Variants in GLI2 observed in about 807,000 individuals in gnomAD.
The protein encoded by GLI2 is transcription activator GLI2.
Under a neutral mutation model 78.9 loss-of-function variants are expected in GLI2, and 22 were observed. The ratio of observed to expected loss-of-function variants is 0.28; its 90% CI spans 0.20 to 0.40. GLI2 has a LOEUF of 0.40. Among genes scored for constraint, GLI2 ranks in the 10% least tolerant of loss-of-function variants. GLI2 has a pLI of 1.00. For missense variants in GLI2, 2,097 were observed against 2,213.2 expected (o/e 0.95, Z 1.05); for synonymous variants, 974 against 963.7 (o/e 1.01, Z -0.20).
At chr2:120,738,086 G>A (rs149982773) in intron 1 of GLI2, among the ~76,000 whole-genome samples, 271 of 152,328 alleles carry the variant, frequency 1.8e-3, no homozygotes, top group African/African-American at 5.9e-3. Flanking sequence ...GGAAGCTCAC[G>A]GTGTGGCTAC....
intron 1 of GLI2, among the ~76,000 whole-genome samples, chr2:120,789,267 G>A (rs963619098): frequency 1.3e-4 from 20 of 151,868 alleles, no homozygotes; most frequent in African/African-American, 4.1e-4. Flanking sequence ...CAGGTGATCC[G>A]CCCTCCTCAG....
At chr2:120,842,441 T>A (rs1004635552) in intron 2 of GLI2, among the ~76,000 whole-genome samples, 1 of 152,224 alleles carries the variant, frequency 6.6e-6, no homozygotes, top group African/African-American at 2.4e-5. Flanking sequence ...CTGTTTGGTA[T>A]TCCATTATGT....
At chr2:120,821,251 CATGG>C (rs1212236450) in intron 2 of GLI2, among the ~76,000 whole-genome samples, 3 of 151,978 alleles carry the variant, frequency 2.0e-5, no homozygotes, top group East Asian at 3.9e-4. Flanking sequence ...CCCTAGGCTT[CATGG>C]ATAGAGTTTA....
At chr2:120,963,586 C>T (rs1681693593) in intron 5 of GLI2, among the ~76,000 whole-genome samples, 4 of 151,492 alleles carry the variant, frequency 2.6e-5, no homozygotes, top group Admixed American at 2.6e-4. Context: ...ATGTGTCCAC[C>T]TGGGTGTGTG....
intron 3 of GLI2, among the ~76,000 whole-genome samples, chr2:120,935,378 C>T (rs1269503582): frequency 6.6e-6 from 1 of 152,246 alleles, no homozygotes; most frequent in Admixed American, 6.5e-5. Context: ...ATGTGTCGGG[C>T]AGCACATCCT....
intron 2 of GLI2, among the ~76,000 whole-genome samples, chr2:120,822,339 G>T (rs1685820665): frequency 6.6e-6 from 1 of 152,230 alleles, no homozygotes; most frequent in Non-Finnish European, 1.5e-5. Context: ...CCAGCTCAAG[G>T]GACAGGGACA....
At chr2:120,928,059 C>A (rs530965796) in intron 3 of GLI2, among the ~76,000 whole-genome samples, 1 of 152,270 alleles carries the variant, frequency 6.6e-6, no homozygotes, top group Non-Finnish European at 1.5e-5. Flanking sequence ...GGTGTCATTT[C>A]TTGGCCTTTA....
At chr2:120,929,428 C>T (rs1679846455) in intron 3 of GLI2, among the ~76,000 whole-genome samples, 2 of 152,216 alleles carry the variant, frequency 1.3e-5, no homozygotes, top group Admixed American at 6.5e-5. Flanking sequence ...CAGAAACAGT[C>T]GTTACTAGTG....
chr2:120,792,407 T>C (rs1285775811), intron 1 of GLI2: 2 of 152,198 alleles, frequency 1.3e-5, no homozygotes, highest in Admixed American at 6.5e-5. Context: ...CAAGAATACA[T>C]GTGCTGCTTT....
At chr2:120,826,763 G>A (rs1412579855) in intron 2 of GLI2, among the ~76,000 whole-genome samples, 1 of 152,202 alleles carries the variant, frequency 6.6e-6, no homozygotes, top group Non-Finnish European at 1.5e-5. Context: ...GGCCTTTCGG[G>A]AATGATTTGA....
chr2:120,933,631 A>C (rs1680048534), intron 3 of GLI2, among the ~76,000 whole-genome samples: 2 of 152,170 alleles, frequency 1.3e-5, no homozygotes, highest in African/African-American at 4.8e-5. Context: ...CCAGGGTGTC[A>C]TGGGGAGCAA....
intron 2 of GLI2, among the ~76,000 whole-genome samples, chr2:120,806,116 A>T (rs1461422949): frequency 6.6e-6 from 1 of 152,252 alleles, no homozygotes. Flanking sequence ...AGAGTTTAAC[A>T]ATCTGGATTG....
Position 120,990,750 on chromosome 2 carries a change from G to A in GLI2, c.*75G>A. On this transcript the variant is annotated 3_prime_UTR_variant, in exon 14 of 14. Coordinates refer to ENST00000361492, the MANE Select transcript of GLI2 (RefSeq NM_001374353.1). ...AGAGCCTGGGGATTCCAGCTGTCTT[G>A]TCTTTTTCCAAAAAAGTGTTAAATA... The A allele has an allele frequency of 7.6e-7, 1 of 1,315,094 alleles. No homozygotes were observed. The highest frequency in any genetic ancestry group is 1.1e-6 in the Non-Finnish European group (1 of 949,402). 81.5% of individuals were successfully genotyped at this position (1,315,094 alleles called of 1,614,324 possible). A position where few individuals can be genotyped will look rare whatever the true frequency, so the allele number is the denominator to read the frequency against.
chr2:120,779,226 G>A (rs1437842931), intron 1 of GLI2, among the ~76,000 whole-genome samples: 2 of 152,230 alleles, frequency 1.3e-5, no homozygotes, highest in African/African-American at 4.8e-5. Flanking sequence ...TGTGGCTCAG[G>A]AGGCTTGAGC....
chr2:120,809,097 C>T (rs982477183), intron 2 of GLI2, among the ~76,000 whole-genome samples: 1 of 152,212 alleles, frequency 6.6e-6, no homozygotes, highest in Non-Finnish European at 1.5e-5. Flanking sequence ...TACGATAGTC[C>T]CAAAATGGAA....
At chr2:120,743,668 T>C (rs1299593424) in intron 1 of GLI2, among the ~76,000 whole-genome samples, 3 of 152,172 alleles carry the variant, frequency 2.0e-5, no homozygotes, top group Non-Finnish European at 4.4e-5. Context: ...CCCGAACCCC[T>C]TGGAGTTATC....
At chr2:120,808,938 C>G (rs527621430) in intron 2 of GLI2, among the ~76,000 whole-genome samples, 1 of 152,136 alleles carries the variant, frequency 6.6e-6, no homozygotes, top group African/African-American at 2.4e-5. Flanking sequence ...TTCTCAGCAG[C>G]GCCCACATGC....
chr2:120,955,129 C>A, intron 4 of GLI2, 116 bp from the exon 5 acceptor site: 1 of 731,182 alleles, frequency 1.4e-6, no homozygotes, highest in Non-Finnish European at 2.4e-6. Flanking sequence ...GAAACCCCGA[C>A]ACCAGGTGTG....
rs1192782823 is a variant in GLI2, at chr2:120,737,411, G to GC, written c.-31+1133dup. 2.0e-5 allele frequency among the ~76,000 whole-genome samples: 3 copies of GC among 152,194 alleles called. No individual in the cohort carries two copies. The highest frequency in any genetic ancestry group is 2.1e-4 in the South Asian group (1 of 4,810). On this transcript the variant is annotated intron_variant, in intron 1 of 13. Coordinates refer to ENST00000361492, the MANE Select transcript of GLI2 (RefSeq NM_001374353.1). The surrounding 1 kb of genome is among the most constrained non-coding windows in gnomAD (Gnocchi z 4.3). ...TCGCTGAGGCTCTCGGGGACCTCGA[G>GC]CCCCCCCGAGGGTGCCTCTTTCCAC...
Sources: allele counts gnomAD v4.1 joint callset (sites outside exome capture counted in the v4.1 genomes callset), GRCh38; gene constraint gnomAD v4.1.1; non-coding constraint Gnocchi (gnomAD v3.1); transcripts MANE v1.5; gene names NCBI Gene and HGNC (gene_info 2026-07-23, HGNC 2026-07-21).